Variants in ANKRD30A observed in about 807,000 individuals in gnomAD.
The protein encoded by ANKRD30A is ankyrin repeat domain 30A.
In ANKRD30A, 170 loss-of-function variants were observed where a neutral mutation model predicts 166.3. That is an observed-to-expected ratio of 1.02 (90% CI 0.90 to 1.16). ANKRD30A has a LOEUF of 1.16. Among genes scored for constraint, ANKRD30A ranks in the 50% most tolerant of loss-of-function variants. The pLI is 0.00. For missense variants in ANKRD30A, 1,630 were observed against 1,518.0 expected, an observed-to-expected ratio of 1.07 and a Z score of -1.23; for synonymous variants, 564 against 508.9, an observed-to-expected ratio of 1.11 and a Z score of -1.46.
chr10:37,258,289 C>A, the ANKRD30A span, among the ~76,000 whole-genome samples: 1 of 152,156 alleles, frequency 6.6e-6, no homozygotes, highest in East Asian at 1.9e-4. Context: ...AATTGACAAG[C>A]TAATTTTAAA....
At chr10:37,200,960 A>T (rs1173120717) in intron 30 of ANKRD30A, among the ~76,000 whole-genome samples, 1 of 152,084 alleles carries the variant, frequency 6.6e-6, no homozygotes, top group Non-Finnish European at 1.5e-5. Flanking sequence ...ATACGTTTTG[A>T]AATATGCACG....
Position 37,193,100 on chromosome 10 carries a change from C to A in ANKRD30A, c.2541+8C>A. 1 of 1,604,614 alleles carries A rather than the reference C, an allele frequency of 6.2e-7. No individual in the cohort carries two copies. Among genetic ancestry groups the A allele is most frequent in the Non-Finnish European group, 8.5e-7 (1 of 1,172,408 alleles). ...AATGATGGTTTTCTGAAGGTAATAA[C>A]TTTTATATTTTTATCTTGAGTATTA... On this transcript the variant is annotated splice_region_variant and intron_variant, in intron 26 of 35. Coordinates refer to ENST00000361713, the MANE Select transcript of ANKRD30A (RefSeq NM_052997.3).
At position 37,158,989 on chromosome 10, in the gene ANKRD30A, G is replaced by A. The variant is rs1343366244; in HGVS notation, c.1900+403G>A. 2.0e-5 allele frequency among the ~76,000 whole-genome samples: 3 copies of A among 152,138 alleles called. No homozygotes were observed. The East Asian group carries it at 5.8e-4, about 29-fold the overall frequency. The stretch of plus-strand genomic sequence containing the variant: ...ACAGTTGTGAGTGTTGCCACTCAGA[G>A]AATATTAAGAAAATCAGCTTTTTTT... On this transcript the variant is annotated intron_variant, in intron 15 of 35. Transcript: ENST00000361713.
At chr10:37,155,857 G>A (rs1838330791) in intron 13 of ANKRD30A, among the ~76,000 whole-genome samples, 2 of 152,004 alleles carry the variant, frequency 1.3e-5, no homozygotes, top group African/African-American at 2.4e-5. Context: ...CGACGCGGGC[G>A]GATCACAAGG....
chr10:37,252,066 T>C, the ANKRD30A span, among the ~76,000 whole-genome samples: 2 of 152,172 alleles, frequency 1.3e-5, no homozygotes, highest in South Asian at 2.1e-4. Context: ...CTGTCAAGCA[T>C]AGTCGAGCAA....
chr10:37,248,714 A>G, the ANKRD30A span, among the ~76,000 whole-genome samples: 1 of 149,442 alleles, frequency 6.7e-6, no homozygotes, highest in Admixed American at 6.6e-5. Flanking sequence ...TTTTTTTTTA[A>G]TGAAACAGAG....
chr10:37,163,361 CTG>C (rs1218902779), intron 17 of ANKRD30A, among the ~76,000 whole-genome samples: 2 of 47,514 alleles, frequency 4.2e-5, no homozygotes, highest in Non-Finnish European at 4.2e-5. Context: ...CTGCGTGTGC[CTG>C]TGTGTGTGTG....
At chr10:37,195,438 A>G (rs1395963400) in intron 27 of ANKRD30A, among the ~76,000 whole-genome samples, 1 of 152,128 alleles carries the variant, frequency 6.6e-6, no homozygotes, top group African/African-American at 2.4e-5. Context: ...ATAAACTGTG[A>G]AAATTCTCCA....
intron 6 of ANKRD30A, among the ~76,000 whole-genome samples, chr10:37,139,200 G>A (rs1836931850): frequency 6.6e-6 from 1 of 152,184 alleles, no homozygotes; most frequent in Non-Finnish European, 1.5e-5. Context: ...AACAACATTT[G>A]AATATTATAA....
chr10:37,248,663 A>C, the ANKRD30A span, among the ~76,000 whole-genome samples: 1 of 151,608 alleles, frequency 6.6e-6, no homozygotes, highest in East Asian at 1.9e-4. Flanking sequence ...TAGTGAGTAA[A>C]ATTGGCTATA....
intron 25 of ANKRD30A, among the ~76,000 whole-genome samples, chr10:37,190,417 A>G (rs1042715573): frequency 6.6e-6 from 1 of 151,756 alleles, no homozygotes; most frequent in African/African-American, 2.4e-5. Context: ...CTTAATTTTG[A>G]GGATGTTTTT....
At chr10:37,160,604 T>A (rs1838775622) in intron 15 of ANKRD30A, among the ~76,000 whole-genome samples, 1 of 152,152 alleles carries the variant, frequency 6.6e-6, no homozygotes, top group Non-Finnish European at 1.5e-5. Flanking sequence ...TTTTTTCTCT[T>A]TCTCTTTTTT....
In ANKRD30A at chr10:37,197,409, C is replaced by T. The variant is rs865868731; in HGVS notation, c.2645C>T (p.Pro882Leu). The change falls in exon 29 of 36, where the codon CCT (proline) becomes CTT (leucine). Residue 882 changes from proline (P) to leucine (L), a missense_variant and splice_region_variant. Coordinates refer to ENST00000361713, the MANE Select transcript of ANKRD30A (RefSeq NM_052997.3). ...CATTTTGCTTCCAACCCCATTTAGC[C>T]TGCCATTGAAATGCAAAAGTCTGTT... ...EPPEKPSAFE[P>L]AIEMQKSVPN... 1.1e-5 allele frequency: 17 copies of T among 1,612,598 alleles called. No homozygotes were observed. In the Middle Eastern group the frequency reaches 2.9e-3, roughly 273 times the overall value.
At chr10:37,219,947 TAA>T in intron 34 of ANKRD30A, 50 bp downstream of exon 34, 1 of 1,327,888 alleles carries the variant, frequency 7.5e-7, no homozygotes, top group Non-Finnish European at 9.7e-7. Context: ...AAAGAAAGTT[TAA>T]AGTCATATTT....
At chr10:37,165,988 A>T (rs1429240226) in intron 18 of ANKRD30A, among the ~76,000 whole-genome samples, 3 of 152,158 alleles carry the variant, frequency 2.0e-5, no homozygotes, top group East Asian at 3.8e-4. Context: ...GATGTGACAT[A>T]ACTTTTTTCT....
At chr10:37,164,074 C>A (rs1029889986) in intron 17 of ANKRD30A, among the ~76,000 whole-genome samples, 2 of 147,984 alleles carry the variant, frequency 1.4e-5, no homozygotes, top group Middle Eastern at 3.5e-3. Flanking sequence ...GGACCCTCTG[C>A]ATGAATTGTG....
chr10:37,158,330 A>ATTC, intron 13 of ANKRD30A, 62 bp from the exon 14 acceptor site: 1 of 1,557,302 alleles, frequency 6.4e-7, no homozygotes, highest in Non-Finnish European at 8.8e-7. Flanking sequence ...ACACTGTGTG[A>ATTC]ATGTTCGGTA....
At chr10:37,127,393 T>C (rs1181247014) in intron 1 of ANKRD30A, among the ~76,000 whole-genome samples, 1 of 152,088 alleles carries the variant, frequency 6.6e-6, no homozygotes, top group Non-Finnish European at 1.5e-5. Flanking sequence ...AAAACCTTTT[T>C]AAGAAGCTCA....
At chr10:37,131,281 A>G (rs530609118) in intron 3 of ANKRD30A, among the ~76,000 whole-genome samples, 1 of 152,274 alleles carries the variant, frequency 6.6e-6, no homozygotes, top group Admixed American at 6.5e-5. Flanking sequence ...AATATTTTTG[A>G]TATTTTGCCA....
Sources: gnomAD v4.1 joint callset for allele counts (sites outside exome capture counted in the v4.1 genomes callset) on GRCh38, gnomAD v4.1.1 for gene constraint, MANE v1.5 for transcripts, NCBI Gene and HGNC (gene_info 2026-07-23, HGNC 2026-07-21) for gene names.